Variants in ZFC3H1 observed in about 807,000 individuals in gnomAD.
The protein encoded by ZFC3H1 is zinc finger C3H1-type containing, also known as zinc finger C3H1 domain-containing protein.
A neutral mutation model predicts 243.7 loss-of-function variants in ZFC3H1; 71 were observed. The ratio of observed to expected loss-of-function variants is 0.29; its 90% CI spans 0.24 to 0.36. The LOEUF (loss-of-function observed/expected upper bound fraction) is 0.36, where lower values mean the gene tolerates loss of function less well. ZFC3H1 is among the 10% of genes least tolerant of loss of function. The pLI is 1.00. For synonymous variants in ZFC3H1, 838 were observed against 813.0 expected (o/e 1.03, Z -0.52); for missense variants, 1,966 against 2,317.1 (o/e 0.85, Z 3.11).
intron 2 of ZFC3H1, among the ~76,000 whole-genome samples, chr12:71,650,936 C>A (rs1434236222): frequency 1.3e-5 from 2 of 152,208 alleles, no homozygotes; most frequent in Admixed American, 6.5e-5. Flanking sequence ...TCCCATTATT[C>A]ATTCCCCTCA....
Position 71,623,512 on chromosome 12 carries a change from T to C in ZFC3H1, c.4592A>G (p.His1531Arg). Reference sequence around the variant, plus strand: ...AGGGAGAATGTTGAATTCAATAAGATGTATGTAGGCCAACCATGCCAAACA... The same window carrying C: ...AGGGAGAATGTTGAATTCAATAAGACGTATGTAGGCCAACCATGCCAAACA... ...DRCLAWLAYI[H>R]LIEFNILPSK... Residue 1531 changes from histidine to arginine, a missense_variant, in exon 24 of 35, where the codon CAT becomes CGT. By Grantham distance (29) the His-to-Arg change is conservative (BLOSUM62 0). Coordinates refer to ENST00000378743, the MANE Select transcript of ZFC3H1 (RefSeq NM_144982.5). The C allele has an allele frequency of 6.2e-7, 1 of 1,613,834 alleles. No individual in the cohort carries two copies. Among genetic ancestry groups the C allele is most frequent in the Non-Finnish European group, 8.5e-7 (1 of 1,179,854 alleles).
intron 24 of ZFC3H1, among the ~76,000 whole-genome samples, chr12:71,621,358 C>G (rs1321264504): frequency 6.6e-6 from 1 of 150,584 alleles, no homozygotes; most frequent in Non-Finnish European, 1.5e-5. Flanking sequence ...GGCTGGAGTG[C>G]AGTGGCACGA....
At chr12:71,629,865 T>G (rs1255526558) in intron 18 of ZFC3H1, among the ~76,000 whole-genome samples, 155 bp from the exon 19 acceptor site, 1 of 151,924 alleles carries the variant, frequency 6.6e-6, no homozygotes, top group Non-Finnish European at 1.5e-5. Context: ...GCCTGTATTA[T>G]CTTAACTACT....
intron 3 of ZFC3H1, among the ~76,000 whole-genome samples, chr12:71,647,437 C>A (rs1423758900): frequency 6.6e-6 from 1 of 152,048 alleles, no homozygotes; most frequent in Non-Finnish European, 1.5e-5. Flanking sequence ...AGCTTACCCA[C>A]ACAGGATAAC....
chr12:71,654,798 C>G (rs1423983670), intron 2 of ZFC3H1, among the ~76,000 whole-genome samples: 1 of 152,034 alleles, frequency 6.6e-6, no homozygotes, highest in Non-Finnish European at 1.5e-5. Context: ...TAAATTAAAA[C>G]CAGCTCTATA....
chr12:71,615,044 CT>C, intron 28 of ZFC3H1, 106 bp from the exon 29 acceptor site: 1 of 1,192,742 alleles, frequency 8.4e-7, no homozygotes, highest in Non-Finnish European at 1.2e-6. Context: ...TAGAATCCTT[CT>C]TTTGACCTTT....
chr12:71,640,474 T>G (rs961308157), intron 6 of ZFC3H1, among the ~76,000 whole-genome samples: 1 of 152,164 alleles, frequency 6.6e-6, no homozygotes, highest in Non-Finnish European at 1.5e-5. Flanking sequence ...AGAAGGCTGG[T>G]TGGAACAGAG....
At chr12:71,659,347 CT>C (rs1881104957) in intron 1 of ZFC3H1, among the ~76,000 whole-genome samples, 1 of 152,138 alleles carries the variant, frequency 6.6e-6, no homozygotes. Context: ...ATAATCTGAC[CT>C]GTGCTTTCCT....
At chr12:71,625,852 A>ATTTTTGTTT (rs1880151129) in intron 22 of ZFC3H1, among the ~76,000 whole-genome samples, 1 of 152,222 alleles carries the variant, frequency 6.6e-6, no homozygotes. Context: ...AAAAGACAAA[A>ATTTTTGTTT]ATGTTTCCTG....
Position 71,663,280 on chromosome 12 carries a change from G to T in ZFC3H1, c.331C>A (p.Arg111=). The T allele has an allele frequency of 1.2e-6, 2 of 1,613,576 alleles. No homozygotes were observed. The highest frequency in any genetic ancestry group is 1.7e-6 in the Non-Finnish European group (2 of 1,180,050). The change falls in exon 1 of 35, where the codon CGG becomes AGG. Residue 111 remains arginine (R), a synonymous_variant. Transcript: ENST00000378743. ...PSSYRPKEPF[R]SHPPSVRMPS... is the part of the protein sequence containing the mutation. ...ATCCGTACAGAAGGCGGATGAGACC[G>T]GAACGGTTCTTTGGGTCGGTAGCTG...
chr12:71,627,063 A>G (rs564032532), intron 21 of ZFC3H1, among the ~76,000 whole-genome samples: 56 of 152,294 alleles, frequency 3.7e-4, no homozygotes, highest in Non-Finnish European at 6.3e-4. Flanking sequence ...TGGGTTTATT[A>G]GCACTCTGCA....
At chr12:71,628,151 A>C (rs957097586) in intron 20 of ZFC3H1, among the ~76,000 whole-genome samples, 1 of 152,236 alleles carries the variant, frequency 6.6e-6, no homozygotes, top group African/African-American at 2.4e-5. Context: ...ATTACACCAG[A>C]ACAAAAGGAG....
chr12:71,623,529 T>G lies in ZFC3H1; in HGVS notation c.4575A>C (p.Ala1525=). ...EYLKTSDRCL[A]WLAYIHLIEF... ...CAATAAGATGTATGTAGGCCAACCA[T>G]GCCAAACATCGATCACTGGTTTTAA... is the stretch of plus-strand genomic sequence containing the variant. The change falls in exon 24 of 35, where the codon GCA becomes GCC. Residue 1525 remains alanine, a synonymous_variant. Transcript: ENST00000378743. 1 of 1,613,758 alleles carries G rather than the reference T, an allele frequency of 6.2e-7. No individual in the cohort carries two copies. Among genetic ancestry groups the G allele is most frequent in the African/African-American group, 1.3e-5 (1 of 75,038 alleles).
Position 71,614,895 on chromosome 12 carries a change from C to A in ZFC3H1, c.5299G>T (p.Ala1767Ser), listed in dbSNP as rs773627272. The change falls in exon 29 of 35, where the codon GCA (alanine) becomes TCA (serine). Residue 1767 changes from alanine (A) to serine (S), a missense_variant. Around this residue, in one of 4 missense-constraint regions of ZFC3H1, gnomAD observed 1,383 missense variants for 1,723.7 expected, o/e 0.80. Coordinates refer to ENST00000378743, the MANE Select transcript of ZFC3H1 (RefSeq NM_144982.5). ...GCCACCCCTAATGCTGCCTCATATGCCTCCACTGTTTCTTTAATACTTGAT... is the reference window on the plus strand; with the variant it reads ...GCCACCCCTAATGCTGCCTCATATGACTCCACTGTTTCTTTAATACTTGAT... ...LQSSIKETVEAYEAALGVAMR... is the reference protein window; with the variant it reads ...LQSSIKETVESYEAALGVAMR... 1 of 1,613,842 alleles carries A rather than the reference C, an allele frequency of 6.2e-7. No homozygotes were observed. The highest frequency in any genetic ancestry group is 1.1e-5 in the South Asian group (1 of 91,080).
At chr12:71,651,641 A>T (rs772043503) in intron 2 of ZFC3H1, among the ~76,000 whole-genome samples, 1 of 152,296 alleles carries the variant, frequency 6.6e-6, no homozygotes, top group African/African-American at 2.4e-5. Context: ...GTATTGGGCT[A>T]ATAAGGCAAT....
At chr12:71,642,875 T>C (rs1378560645) in intron 5 of ZFC3H1, among the ~76,000 whole-genome samples, 2 of 152,208 alleles carry the variant, frequency 1.3e-5, no homozygotes, top group Admixed American at 6.5e-5. Flanking sequence ...ACTTATGACT[T>C]CTGTATGATT....
intron 32 of ZFC3H1, chr12:71,611,367 C>T (rs1248910324): frequency 4.3e-5 from 11 of 254,596 alleles, no homozygotes; most frequent in Non-Finnish European, 7.2e-5. Flanking sequence ...ACAACAACAA[C>T]AACAAAAAAA....
intron 1 of ZFC3H1, among the ~76,000 whole-genome samples, chr12:71,659,023 G>A (rs1232867964): frequency 2.0e-5 from 3 of 151,790 alleles, no homozygotes; most frequent in South Asian, 2.1e-4. Flanking sequence ...CCATAACTCC[G>A]CATCTCCCTT....
intron 2 of ZFC3H1, among the ~76,000 whole-genome samples, chr12:71,649,581 ATTG>A (rs961482976): frequency 6.6e-6 from 1 of 151,992 alleles, no homozygotes; most frequent in Non-Finnish European, 1.5e-5. Context: ...CACACACCCT[ATTG>A]TTTTTATTGC....
Sources: gnomAD v4.1 joint callset for allele counts (sites outside exome capture counted in the v4.1 genomes callset) on GRCh38, gnomAD v4.1.1 for gene constraint, gnomAD v4.1.1 regional missense constraint, MANE v1.5 for transcripts, NCBI Gene and HGNC (gene_info 2026-07-23, HGNC 2026-07-21) for gene names.